ZNF430: variants seen among roughly 807,000 people sequenced by gnomAD.
ZNF430 encodes zinc finger protein 430.
Under a neutral mutation model 56.7 loss-of-function variants are expected in ZNF430, and 35 were observed. The observed-to-expected ratio is 0.62, with a 90% CI of 0.47 to 0.82. The LOEUF (loss-of-function observed/expected upper bound fraction) is 0.82. Ranked by LOEUF, ZNF430 falls within the 40% of genes least tolerant of loss-of-function variation. The pLI, the probability that ZNF430 is intolerant of heterozygous loss-of-function variation, is 0.00. For synonymous variants in ZNF430, 212 were observed against 224.3 expected (o/e 0.94, Z 0.49); for missense variants, 574 against 661.0 (o/e 0.87, Z 1.44).
chr19:21,033,417 G>A, intron 2 of ZNF430, 39 bp from the exon 3 acceptor site: 1 of 1,576,092 alleles, frequency 6.3e-7, no homozygotes, highest in Non-Finnish European at 8.6e-7. Flanking sequence ...GTGGCCACTT[G>A]GTAAATATAC....
At chr19:21,026,024 T>C in intron 2 of ZNF430, 1 of 370,844 alleles carries the variant, frequency 2.7e-6, no homozygotes, top group Non-Finnish European at 5.2e-6. Context: ...CATGGTTTCC[T>C]CTGGATGCAC....
At chr19:21,025,928 A>G in intron 2 of ZNF430, 1 of 425,766 alleles carries the variant, frequency 2.3e-6, no homozygotes, top group Admixed American at 3.1e-5. Flanking sequence ...ATACAGACTG[A>G]AGTTTCTGTC....
intron 4 of ZNF430, among the ~76,000 whole-genome samples, chr19:21,042,785 TAA>T (rs543858514): frequency 7.0e-5 from 10 of 141,856 alleles, no homozygotes; most frequent in Admixed American, 7.1e-5. Flanking sequence ...AGACTCCATC[TAA>T]AAAAAAAAAA....
chr19:21,057,539 A>C lies in ZNF430; in HGVS notation c.1231A>C (p.Asn411His), dbSNP rs1198205172. ...YKCEECGKGF[N>H]WSSTLTKHKR... ...ATGTGAAGAATGTGGCAAAGGCTTT[A>C]ATTGGTCCTCGACCCTTACTAAACA... Residue 411 changes from asparagine to histidine, a missense_variant, in exon 5 of 5, where the codon AAT (asparagine) becomes CAT (histidine). This residue lies in a region of ZNF430 where 213 missense variants were observed against 221.0 expected (regional missense o/e 0.96). Coordinates refer to ENST00000261560, the MANE Select transcript of ZNF430 (RefSeq NM_025189.4). 1.9e-6 allele frequency: 3 copies of C among 1,613,372 alleles called. No individual in the cohort carries two copies. In the African/African-American group the frequency reaches 4.0e-5, roughly 22 times the overall value.
intron 4 of ZNF430, among the ~76,000 whole-genome samples, chr19:21,046,127 G>A (rs1179958835): frequency 2.6e-5 from 4 of 151,976 alleles, no homozygotes; most frequent in African/African-American, 9.7e-5. Context: ...TTCATGACCA[G>A]CCTGGCCAAC....
chr19:21,055,742 C>T (rs566862756), intron 4 of ZNF430, among the ~76,000 whole-genome samples: 9 of 152,186 alleles, frequency 5.9e-5, no homozygotes, highest in Non-Finnish European at 1.2e-4. Context: ...GCATGAACCA[C>T]CACAACTGGC....
At chr19:21,022,308 C>T (rs899165260) in intron 1 of ZNF430, among the ~76,000 whole-genome samples, 6 of 152,184 alleles carry the variant, frequency 3.9e-5, no homozygotes, top group Admixed American at 2.0e-4. Flanking sequence ...TCTCCAGCCT[C>T]ACTCTGGCTT....
chr19:21,047,715 C>T (rs1193923004), intron 4 of ZNF430, among the ~76,000 whole-genome samples: 1 of 152,222 alleles, frequency 6.6e-6, no homozygotes, highest in African/African-American at 2.4e-5. Context: ...GCTCCTTCCT[C>T]TGGGGTCTTT....
chr19:21,058,617 A>G lies in ZNF430; in HGVS notation c.*596A>G, dbSNP rs998024326. On this transcript the variant is annotated 3_prime_UTR_variant, in exon 5 of 5. Coordinates refer to ENST00000261560, the MANE Select transcript of ZNF430 (RefSeq NM_025189.4). The stretch of plus-strand genomic sequence containing the variant: ...CTTTAAATGGTTGTCACACTTCATT[A>G]TAGGTAAGATAGTTCATACTGAAGA... 6.4e-6 allele frequency: 1 copy of G among 155,986 alleles called. No individual in the cohort carries two copies. The allele number at this position is 155,986 out of a possible 1,614,324, so 9.7% of individuals were successfully genotyped here.
In ZNF430 at chr19:21,034,198, A is replaced by G. The variant is rs1488275350; in HGVS notation, c.322+14A>G. The G allele has an allele frequency of 1.3e-6, 2 of 1,547,384 alleles. No individual in the cohort carries two copies. The highest frequency in any genetic ancestry group is 1.8e-6 in the Non-Finnish European group (2 of 1,132,240). On this transcript the variant is annotated intron_variant, in intron 4 of 4. Transcript: ENST00000261560. ...ATCAACCCCCAGGTAGGTGAGAGTG[A>G]ACACAACAGACGACATGAATGAGAG...
intron 4 of ZNF430, 131 bp downstream of exon 4, chr19:21,034,315 T>C: frequency 1.4e-6 from 1 of 719,826 alleles, no homozygotes; most frequent in Non-Finnish European, 2.2e-6. Context: ...GTTTTTTTTT[T>C]TAATTTTGCC....
chr19:21,021,822 G>GTTTTTTTTTT (rs1967691706), intron 1 of ZNF430, among the ~76,000 whole-genome samples: 1 of 107,034 alleles, frequency 9.3e-6, no homozygotes, highest in Admixed American at 1.2e-4. Flanking sequence ...GCCTGAGTTA[G>GTTTTTTTTTT]ATTTTTTTTT....
chr19:21,041,202 G>A (rs375456924), intron 4 of ZNF430, among the ~76,000 whole-genome samples: 32 of 152,166 alleles, frequency 2.1e-4, no homozygotes, highest in South Asian at 4.1e-4. Context: ...ATTACAGCTC[G>A]CTGCAGCCTC....
intron 4 of ZNF430, among the ~76,000 whole-genome samples, chr19:21,054,131 CT>C (rs993094747): frequency 2.0e-5 from 3 of 151,978 alleles, no homozygotes; most frequent in Non-Finnish European, 2.9e-5. Flanking sequence ...GATTTCTATG[CT>C]TTTAACTTTC....
chr19:21,034,227 C>A, intron 4 of ZNF430, 43 bp downstream of exon 4: 2 of 1,309,792 alleles, frequency 1.5e-6, no homozygotes, highest in South Asian at 1.5e-5. Flanking sequence ...ATGAGAGGTC[C>A]AAAAAAGAAG....
intron 2 of ZNF430, among the ~76,000 whole-genome samples, chr19:21,030,333 A>C (rs1265403643): frequency 6.7e-6 from 1 of 148,724 alleles, no homozygotes; most frequent in Non-Finnish European, 1.5e-5. Flanking sequence ...AAAATGCTGA[A>C]CCCTTTATCT....
chr19:21,025,162 T>C (rs1164866985), intron 2 of ZNF430, among the ~76,000 whole-genome samples: 2 of 152,226 alleles, frequency 1.3e-5, no homozygotes, highest in Non-Finnish European at 2.9e-5. Flanking sequence ...GCTTACTCTA[T>C]AGGCAGAGCA....
rs1968397896 is a variant in ZNF430 at position 21,057,348 on chromosome 19, G to A, written c.1040G>A (p.Cys347Tyr). The stretch of plus-strand genomic sequence containing the variant: ...CATACTGGAGAGAAACCCTACAAAT[G>A]TGAAGAATGTGGCAAAGCTTTTAAC... ...IIHTGEKPYK[C>Y]EECGKAFNQS... The change falls in exon 5 of 5, where the codon TGT (cysteine) becomes TAT (tyrosine). Residue 347 changes from cysteine to tyrosine, a missense_variant. Cys to Tyr is a radical substitution (Grantham distance 194). Coordinates refer to ENST00000261560, the MANE Select transcript of ZNF430 (RefSeq NM_025189.4). 3 of 1,613,290 alleles carry A rather than the reference G, an allele frequency of 1.9e-6. No individual in the cohort carries two copies. Among genetic ancestry groups the A allele is most frequent in the East Asian group, 2.2e-5 (1 of 44,874 alleles).
At chr19:21,038,084 G>T (rs911057631) in intron 4 of ZNF430, among the ~76,000 whole-genome samples, 1 of 151,856 alleles carries the variant, frequency 6.6e-6, no homozygotes, top group Non-Finnish European at 1.5e-5. Flanking sequence ...TTTTGTTGTT[G>T]TTCCTCAGGC....
Sources: gnomAD v4.1 joint callset for allele counts (sites outside exome capture counted in the v4.1 genomes callset) on GRCh38, gnomAD v4.1.1 for gene constraint, gnomAD v4.1.1 regional missense constraint, MANE v1.5 for transcripts, NCBI Gene and HGNC (gene_info 2026-07-23, HGNC 2026-07-21) for gene names.